The following EMILIN2 variants were observed in gnomAD, a reference collection of about 807,000 sequenced individuals.
EMILIN2 encodes the protein elastin microfibril interfacer 2.
Under a neutral mutation model 87.1 loss-of-function variants are expected in EMILIN2, and 71 were observed. That is an observed-to-expected ratio of 0.82 (90% CI 0.67 to 0.99). The LOEUF is 0.99. EMILIN2 is among the 50% of genes least tolerant of loss of function. The pLI, the probability that EMILIN2 is intolerant of heterozygous loss-of-function variation, is 0.00. For synonymous variants in EMILIN2, 581 were observed against 563.4 expected, an observed-to-expected ratio of 1.03 and a Z score of -0.44; for missense variants, 1,407 against 1,371.8, an observed-to-expected ratio of 1.03 and a Z score of -0.40.
rs930986959 is a variant in EMILIN2, at chr18:2,909,604, C to T, written c.2696-87C>T. On this transcript the variant is annotated intron_variant, in intron 6 of 7. Transcript: ENST00000254528. ...AATAAAATGGGCCTGGCACCTGGGCCTGGCACGTAGGCCTCAGTTTTCCAG... is the reference window on the plus strand; with the variant it reads ...AATAAAATGGGCCTGGCACCTGGGCTTGGCACGTAGGCCTCAGTTTTCCAG... The T allele has an allele frequency of 3.3e-6, 5 of 1,532,302 alleles. No individual in the cohort carries two copies. The African/African-American group carries it at 4.3e-5, about 13-fold the overall frequency. 94.9% of individuals were successfully genotyped at this position (1,532,302 alleles called of 1,614,324 possible). A position where few individuals can be genotyped will look rare whatever the true frequency, so the allele number is the denominator to read the frequency against.
Position 2,912,969 on chromosome 18 carries a change from T to C in EMILIN2, c.2825-98T>C, listed in dbSNP as rs2076948308. 4.7e-6 allele frequency: 6 copies of C among 1,264,296 alleles called. No individual in the cohort carries two copies. The Admixed American group carries it at 1.3e-4, about 27-fold the overall frequency. 78.3% of individuals were successfully genotyped at this position (1,264,296 alleles called of 1,614,324 possible). ...ACCATGGGAAGACAGAGATGGCTGG[T>C]CTCCCAGGCCCAGGTTAATCACTGG... On this transcript the variant is annotated intron_variant, in intron 7 of 7. Transcript: ENST00000254528.
Position 2,848,980 on chromosome 18 carries a change from C to A in EMILIN2, c.257+1049C>A, listed in dbSNP as rs1279130314. 6.6e-6 allele frequency among the ~76,000 whole-genome samples: 1 copy of A among 152,136 alleles called. No homozygotes were observed. The highest frequency in any genetic ancestry group is 1.5e-5 in the Non-Finnish European group (1 of 68,036). ...CCACGTGGGCTTCTGGAGGAGCTGCCAACAGGGTTCAGCTAATTCCTGCTC... is the reference window on the plus strand; with the variant it reads ...CCACGTGGGCTTCTGGAGGAGCTGCAAACAGGGTTCAGCTAATTCCTGCTC... On this transcript the variant is annotated intron_variant, in intron 2 of 7. Transcript: ENST00000254528. The surrounding 1 kb of genome is among the most constrained non-coding windows in gnomAD (Gnocchi z 4.1).
intron 5 of EMILIN2, among the ~76,000 whole-genome samples, chr18:2,907,335 G>C (rs1216476955): frequency 2.0e-4 from 31 of 152,244 alleles, no homozygotes; most frequent in Admixed American, 2.0e-3. Context: ...GCCGGTTGGA[G>C]TACGAGTGCC....
At chr18:2,869,362 A>G (rs181186246) in intron 2 of EMILIN2, among the ~76,000 whole-genome samples, 1 of 152,274 alleles carries the variant, frequency 6.6e-6, no homozygotes, top group Non-Finnish European at 1.5e-5. Context: ...ATTTTGACAT[A>G]TATACCCGTG....
At chr18:2,865,756 A>C (rs746084108) in intron 2 of EMILIN2, among the ~76,000 whole-genome samples, 6 of 152,218 alleles carry the variant, frequency 3.9e-5, no homozygotes, top group Non-Finnish European at 7.3e-5. Flanking sequence ...GGGACATTTA[A>C]GTCTGCAGAG....
In EMILIN2 at chr18:2,891,273, C is replaced by T. The variant is rs2076835013; in HGVS notation, c.1146C>T (p.Asn382=). 3 of 1,614,170 alleles carry T rather than the reference C, an allele frequency of 1.9e-6. No individual in the cohort carries two copies. The highest frequency in any genetic ancestry group is 2.5e-6 in the Non-Finnish European group (3 of 1,180,046). Residue 382 remains asparagine, a synonymous_variant, in exon 4 of 8, where the codon AAC becomes AAT. Coordinates refer to ENST00000254528, the MANE Select transcript of EMILIN2 (RefSeq NM_032048.3). This position sits in a 1 kb window ranked among gnomAD's most constrained non-coding sequence, Gnocchi z 4.6. The part of the protein sequence containing the change: ...KETSLRKEIN[N]LRARLQEPSA... ...CAAGCCTGAGAAAAGAAATAAATAA[C>T]CTCCGAGCCCGGCTACAGGAGCCTT...
At chr18:2,902,580 G>T (rs1209665793) in intron 4 of EMILIN2, among the ~76,000 whole-genome samples, 2 of 152,200 alleles carry the variant, frequency 1.3e-5, no homozygotes, top group East Asian at 1.9e-4. Flanking sequence ...CGAAGCCAGG[G>T]AAGTCACATG....
chr18:2,858,555 A>ATATATGTGTGTGTGTG lies in EMILIN2; in HGVS notation c.257+10629_257+10630insGTGTGTGTGTGTATAT, dbSNP rs1909202533. 1.9e-4 allele frequency among the ~76,000 whole-genome samples: 10 copies of ATATATGTGTGTGTGTG among 52,302 alleles called. 2 individuals are homozygous for ATATATGTGTGTGTGTG. Among genetic ancestry groups the ATATATGTGTGTGTGTG allele is most frequent in the African/African-American group, 1.5e-3 (10 of 6,854 alleles). 34.3% of individuals were successfully genotyped at this position (52,302 alleles called of 152,430 possible). ...TATATATATATATATATATATATATATATATATATATATATGTGTGTGTGT... is the reference window on the plus strand; with the variant it reads ...TATATATATATATATATATATATATATATATGTGTGTGTGTGTATATATATATATATGTGTGTGTGT... On this transcript the variant is annotated intron_variant, in intron 2 of 7. Coordinates refer to ENST00000254528, the MANE Select transcript of EMILIN2 (RefSeq NM_032048.3).
chr18:2,862,681 CTT>C (rs1254757767), intron 2 of EMILIN2, among the ~76,000 whole-genome samples: 2 of 152,072 alleles, frequency 1.3e-5, no homozygotes, highest in Admixed American at 6.5e-5. Context: ...CTAAAATTCT[CTT>C]TTTTTTGTTG....
intron 2 of EMILIN2, among the ~76,000 whole-genome samples, chr18:2,872,704 T>A (rs1028680174): frequency 6.6e-6 from 1 of 152,222 alleles, no homozygotes; most frequent in Non-Finnish European, 1.5e-5. Context: ...CTCTGATCTA[T>A]GACACAGCTT....
intron 2 of EMILIN2, among the ~76,000 whole-genome samples, chr18:2,858,583 GTATATA>G (rs1555665466): frequency 9.5e-5 from 6 of 63,036 alleles, no homozygotes; most frequent in African/African-American, 5.6e-4. Flanking sequence ...GTGTGTGTGT[GTATATA>G]TATATATATA....
rs2076838971 is a variant in EMILIN2 at position 2,891,844 on chromosome 18, G to T, written c.1717G>T (p.Asp573Tyr). 6.2e-7 allele frequency: 1 copy of T among 1,614,122 alleles called. No individual in the cohort carries two copies. The highest frequency in any genetic ancestry group is 1.7e-5 in the Admixed American group (1 of 60,010). Residue 573 changes from aspartate (D) to tyrosine (Y), a missense_variant, in exon 4 of 8, where the codon GAC becomes TAC. By Grantham distance (160) the Asp-to-Tyr change is radical (BLOSUM62 -3). Transcript: ENST00000254528. The surrounding 1 kb of genome is among the most constrained non-coding windows in gnomAD (Gnocchi z 4.6). ...GGAAGGTGCCTTGCCAAACAGGGAAGACCGCGCAGTACGCGACAGCCTGCA... is the reference window on the plus strand; with the variant it reads ...GGAAGGTGCCTTGCCAAACAGGGAATACCGCGCAGTACGCGACAGCCTGCA... ...GMEGALPNREDRAVRDSLHLL... is the reference protein window; with the variant it reads ...GMEGALPNREYRAVRDSLHLL...
At chr18:2,849,488 G>A (rs2076592690) in intron 2 of EMILIN2, among the ~76,000 whole-genome samples, 1 of 152,122 alleles carries the variant, frequency 6.6e-6, no homozygotes, top group African/African-American at 2.4e-5. Flanking sequence ...ACCAAAGGAT[G>A]ATTTAATTGT....
At chr18:2,850,895 G>A (rs116204850) in intron 2 of EMILIN2, among the ~76,000 whole-genome samples, 4,168 of 152,154 alleles carry the variant, frequency 0.027, 206 homozygotes, top group African/African-American at 0.095. Flanking sequence ...CCATCTTAGA[G>A]ACTCAGGAGA....
intron 3 of EMILIN2, among the ~76,000 whole-genome samples, chr18:2,885,950 C>G (rs1173002113): frequency 6.6e-6 from 1 of 152,150 alleles, no homozygotes; most frequent in African/African-American, 2.4e-5. Context: ...CCAACATTGT[C>G]TGTAAAAATA....
At chr18:2,854,699 C>T (rs994992772) in intron 2 of EMILIN2, among the ~76,000 whole-genome samples, 5 of 152,054 alleles carry the variant, frequency 3.3e-5, no homozygotes, top group Non-Finnish European at 4.4e-5. Flanking sequence ...GAGGCTGAGG[C>T]GGGAGGATTG....
intron 4 of EMILIN2, among the ~76,000 whole-genome samples, chr18:2,898,473 G>A (rs2076873706): frequency 6.6e-6 from 1 of 152,206 alleles, no homozygotes; most frequent in African/African-American, 2.4e-5. Context: ...TGGCGAGCAG[G>A]AAGGGAAGGC....
chr18:2,887,076 A>G (rs1297123301), intron 3 of EMILIN2, among the ~76,000 whole-genome samples: 2 of 152,186 alleles, frequency 1.3e-5, no homozygotes, highest in Non-Finnish European at 2.9e-5. Context: ...ATGGGAAGCA[A>G]ACTTTTTACC....
chr18:2,854,989 T>A (rs1277515705), intron 2 of EMILIN2, among the ~76,000 whole-genome samples: 3 of 152,220 alleles, frequency 2.0e-5, no homozygotes, highest in Admixed American at 2.0e-4. Context: ...AGTTTCGCCA[T>A]CAATTGGCTG....
Sources: allele counts gnomAD v4.1 joint callset (sites outside exome capture counted in the v4.1 genomes callset), GRCh38; gene constraint gnomAD v4.1.1; non-coding constraint Gnocchi (gnomAD v3.1); transcripts MANE v1.5; gene names NCBI Gene and HGNC (gene_info 2026-07-23, HGNC 2026-07-21).